ERBB4: variants seen among roughly 807,000 people sequenced by gnomAD.
ERBB4 encodes the protein receptor tyrosine-protein kinase erbB-4.
ERBB4 carries 42 observed loss-of-function variants against 158.0 expected under a neutral mutation model. The ratio of observed to expected loss-of-function variants is 0.27; its 90% CI spans 0.21 to 0.34. The LOEUF (loss-of-function observed/expected upper bound fraction) is 0.34. Ranked by LOEUF, ERBB4 falls within the 10% of genes least tolerant of loss-of-function variation. ERBB4 has a pLI of 1.00. For missense variants in ERBB4, 1,333 were observed against 1,624.1 expected (o/e 0.82, Z 3.08); for synonymous variants, 583 against 558.7 (o/e 1.04, Z -0.61).
chr2:212,203,194 G>T lies in ERBB4; in HGVS notation c.83-78291C>A, dbSNP rs868435905. Among the ~76,000 whole-genome samples the T allele has an allele frequency of 6.6e-5, 10 of 152,178 alleles. No individual in the cohort carries two copies. In the Middle Eastern group the frequency reaches 0.027, roughly 414 times the overall value. On this transcript the variant is annotated intron_variant, in intron 1 of 27. Transcript: ENST00000342788. ...AGAACAAATGGGAGAAGAGATACAA[G>T]AGTTGAAATTCTAGATAAGATAGCA...
chr2:212,497,468 C>A (rs373162431), intron 1 of ERBB4, among the ~76,000 whole-genome samples: 2 of 152,040 alleles, frequency 1.3e-5, no homozygotes, highest in African/African-American at 4.8e-5. Context: ...CTGCTGAAGA[C>A]GTGACAGTGC....
chr2:211,545,095 A>G (rs986423274), intron 20 of ERBB4, among the ~76,000 whole-genome samples: 3 of 152,094 alleles, frequency 2.0e-5, no homozygotes, highest in Non-Finnish European at 4.4e-5. Flanking sequence ...CTTCCAGTCT[A>G]TAGTAGAAAC....
Position 211,982,385 on chromosome 2 carries a change from CA to C in ERBB4, c.235-34770del, listed in dbSNP as rs923810395. ...CTTTTAAACAGAGACCTGTAGAAAA[CA>C]AAAAAACAAAAAGTACAGGAAGAAA... is the stretch of plus-strand genomic sequence containing the variant. On this transcript the variant is annotated intron_variant, in intron 2 of 27. Coordinates refer to ENST00000342788, the MANE Select transcript of ERBB4 (RefSeq NM_005235.3). 7.6e-4 allele frequency among the ~76,000 whole-genome samples: 115 copies of C among 151,558 alleles called. 1 individual carries two copies. The highest frequency in any genetic ancestry group is 2.7e-3 in the African/African-American group (111 of 41,350).
intron 1 of ERBB4, among the ~76,000 whole-genome samples, chr2:212,388,726 A>C: frequency 6.6e-6 from 1 of 152,248 alleles, no homozygotes; most frequent in South Asian, 2.1e-4. Context: ...ATACATGTAC[A>C]TATACTCTTA....
At chr2:211,941,439 T>G (rs2080493655) in intron 3 of ERBB4, among the ~76,000 whole-genome samples, 1 of 152,112 alleles carries the variant, frequency 6.6e-6, no homozygotes, top group Non-Finnish European at 1.5e-5. Context: ...GCAACTCTTG[T>G]GTAAGAAAAA....
intron 5 of ERBB4, among the ~76,000 whole-genome samples, chr2:211,747,439 T>C (rs2075008820): frequency 6.6e-6 from 1 of 151,932 alleles, no homozygotes; most frequent in Non-Finnish European, 1.5e-5. Flanking sequence ...CCCTGTGAAG[T>C]AAAGGGTAAA....
intron 2 of ERBB4, among the ~76,000 whole-genome samples, chr2:212,096,401 G>A (rs1397209794): frequency 6.6e-6 from 1 of 152,112 alleles, no homozygotes; most frequent in Non-Finnish European, 1.5e-5. Context: ...AGAGAACTTG[G>A]TGAAAATGTT....
chr2:211,985,107 C>G (rs116358765), intron 2 of ERBB4, among the ~76,000 whole-genome samples: 1 of 152,180 alleles, frequency 6.6e-6, no homozygotes. Context: ...TGCTAACATA[C>G]TCACTGACAA....
chr2:212,518,059 C>T (rs1464787893), intron 1 of ERBB4, among the ~76,000 whole-genome samples: 3 of 151,932 alleles, frequency 2.0e-5, no homozygotes, highest in Non-Finnish European at 4.4e-5. Context: ...TTGTTAAGGC[C>T]ACCTAGTTTT....
At chr2:212,098,694 C>T (rs1423465153) in intron 2 of ERBB4, among the ~76,000 whole-genome samples, 1 of 151,526 alleles carries the variant, frequency 6.6e-6, no homozygotes, top group African/African-American at 2.4e-5. Flanking sequence ...TATATAATAC[C>T]GTTTTATAAT....
intron 2 of ERBB4, among the ~76,000 whole-genome samples, chr2:212,021,160 G>A (rs2076640669): frequency 6.6e-6 from 1 of 151,966 alleles, no homozygotes; most frequent in Non-Finnish European, 1.5e-5. Flanking sequence ...TTTTGATCCA[G>A]ACATATGATT....
At chr2:211,790,773 G>A (rs1458576145) in intron 3 of ERBB4, among the ~76,000 whole-genome samples, 1 of 151,924 alleles carries the variant, frequency 6.6e-6, no homozygotes, top group African/African-American at 2.4e-5. Context: ...GTTTATTTAT[G>A]TATTGTTTGT....
chr2:211,518,586 G>C lies in ERBB4; in HGVS notation c.2487+43317C>G, dbSNP rs567066038. Among the ~76,000 whole-genome samples, 445 of 152,044 alleles carry C rather than the reference G, an allele frequency of 2.9e-3. 6 individuals carry two copies. The highest frequency in any genetic ancestry group is 3.7e-3 in the Non-Finnish European group (250 of 67,978). ...GGAGAATTGCTTGAACCTGGGAGGCGGAGGTTGCGGTGAGCTGAGATCACG... is the reference window on the plus strand; with the variant it reads ...GGAGAATTGCTTGAACCTGGGAGGCCGAGGTTGCGGTGAGCTGAGATCACG... On this transcript the variant is annotated intron_variant, in intron 20 of 27. Coordinates refer to ENST00000342788, the MANE Select transcript of ERBB4 (RefSeq NM_005235.3).
chr2:212,482,538 C>A (rs1689755537), intron 1 of ERBB4, among the ~76,000 whole-genome samples: 1 of 152,166 alleles, frequency 6.6e-6, no homozygotes, highest in African/African-American at 2.4e-5. Flanking sequence ...GGGGATTATG[C>A]AAGGTAAATA....
chr2:211,752,179 CAGG>C (rs2075150954), intron 4 of ERBB4, among the ~76,000 whole-genome samples: 1 of 151,970 alleles, frequency 6.6e-6, no homozygotes, highest in South Asian at 2.1e-4. Flanking sequence ...TAAAAACTTA[CAGG>C]AGTTCTTTTG....
chr2:212,414,458 T>C (rs1334039096), intron 1 of ERBB4, among the ~76,000 whole-genome samples: 1 of 152,216 alleles, frequency 6.6e-6, no homozygotes, highest in Non-Finnish European at 1.5e-5. Flanking sequence ...GTGATCTTTC[T>C]CTAAGAATTC....
intron 2 of ERBB4, among the ~76,000 whole-genome samples, chr2:212,042,048 T>C (rs2077154026): frequency 6.6e-6 from 1 of 152,054 alleles, no homozygotes; most frequent in African/African-American, 2.4e-5. Context: ...ATCTCCTTTT[T>C]TCCTTCGGTT....
At chr2:212,331,092 A>G (rs868849106) in intron 1 of ERBB4, among the ~76,000 whole-genome samples, 6 of 145,818 alleles carry the variant, frequency 4.1e-5, no homozygotes, top group African/African-American at 1.2e-4. Context: ...ATATATGCCC[A>G]TAACACTTAA....
In ERBB4 at chr2:212,025,217, G is replaced by C. The variant is rs567463252; in HGVS notation, c.235-77601C>G. Among the ~76,000 whole-genome samples the C allele has an allele frequency of 2.6e-4, 40 of 151,826 alleles. No homozygotes were observed. In the East Asian group the frequency reaches 6.8e-3, roughly 26 times the overall value. On this transcript the variant is annotated intron_variant, in intron 2 of 27. Transcript: ENST00000342788. ...GCATTTCTATCAATTGGTGCACTTA[G>C]GAAATTCTAATCATCTATTTCTAAT...
Sources: gnomAD v4.1 joint callset for allele counts (sites outside exome capture counted in the v4.1 genomes callset) on GRCh38, gnomAD v4.1.1 for gene constraint, MANE v1.5 for transcripts, NCBI Gene and HGNC (gene_info 2026-07-23, HGNC 2026-07-21) for gene names.